SLC7A8: variants seen among roughly 807,000 people sequenced by gnomAD.
The protein encoded by SLC7A8 is solute carrier family 7 member 8, also known as large neutral amino acids transporter small subunit 2.
A neutral mutation model predicts 51.2 loss-of-function variants in SLC7A8; 30 were observed. The ratio of observed to expected loss-of-function variants is 0.59; its 90% CI spans 0.44 to 0.80. The LOEUF (loss-of-function observed/expected upper bound fraction) is 0.80, where lower values mean the gene tolerates loss of function less well. SLC7A8 is among the 30% of genes least tolerant of loss of function. The pLI is 0.00. For missense variants in SLC7A8, 612 were observed against 674.4 expected (o/e 0.91, Z 1.03); for synonymous variants, 257 against 275.8 (o/e 0.93, Z 0.67).
chr14:23,128,769 C>T lies in SLC7A8; in HGVS notation c.1264-573G>A, dbSNP rs778321588. On this transcript the variant is annotated intron_variant, in intron 9 of 10. Transcript: ENST00000316902. This position sits in a 1 kb window ranked among gnomAD's most constrained non-coding sequence, Gnocchi z 4.3. ...CAGGGCTCCAGGGGCAGTCCTGATT[C>T]GGCTGCCTTTCTCTTCCTTGTCTTC... 4.6e-5 allele frequency among the ~76,000 whole-genome samples: 7 copies of T among 152,180 alleles called. No individual in the cohort carries two copies. The highest frequency in any genetic ancestry group is 1.9e-4 in the East Asian group (1 of 5,188).
rs577155981 is a variant in SLC7A8, at chr14:23,156,842, A to G, written c.508+8443T>C. 1.1e-4 allele frequency among the ~76,000 whole-genome samples: 16 copies of G among 152,350 alleles called. No homozygotes were observed. The South Asian group carries it at 3.3e-3, about 32-fold the overall frequency. On this transcript the variant is annotated intron_variant, in intron 3 of 10. Transcript: ENST00000316902. ...ATTCCTCCATTTCCAGGGTGTGGGC[A>G]CACACACTCTCTGAACAGCAGAACT...
intron 5 of SLC7A8, among the ~76,000 whole-genome samples, chr14:23,140,032 A>C (rs1210844888): frequency 6.6e-6 from 1 of 152,204 alleles, no homozygotes; most frequent in Admixed American, 6.5e-5. Context: ...AAAAGAAAAA[A>C]TAAGTTAAAA....
At position 23,167,490 on chromosome 14, in the gene SLC7A8, G is replaced by C. The variant is rs796803390; in HGVS notation, c.152-950C>G. Among the ~76,000 whole-genome samples, 17 of 152,152 alleles carry C rather than the reference G, an allele frequency of 1.1e-4. 1 individual carries two copies. The highest frequency in any genetic ancestry group is 4.1e-4 in the African/African-American group (17 of 41,518). On this transcript the variant is annotated intron_variant, in intron 1 of 10. Coordinates refer to ENST00000316902, the MANE Select transcript of SLC7A8 (RefSeq NM_012244.4). ...TCTTTCCACTAATCCACTTCTGCTTGTGTGCAGGGGCTGGTTTTCTCCTGA... is the reference window on the plus strand; with the variant it reads ...TCTTTCCACTAATCCACTTCTGCTTCTGTGCAGGGGCTGGTTTTCTCCTGA...
intron 4 of SLC7A8, among the ~76,000 whole-genome samples, chr14:23,141,317 A>C (rs1339118238): frequency 6.6e-6 from 1 of 152,218 alleles, no homozygotes; most frequent in Non-Finnish European, 1.5e-5. Flanking sequence ...CAAACAAACA[A>C]AAAAAGCAAG....
intron 7 of SLC7A8, among the ~76,000 whole-genome samples, chr14:23,132,836 A>C (rs2140304154): frequency 6.6e-6 from 1 of 152,004 alleles, no homozygotes; most frequent in African/African-American, 2.4e-5. Flanking sequence ...GGGTTTCTCC[A>C]TGTTGGTCAG....
chr14:23,145,067 C>A (rs1488034303), intron 3 of SLC7A8, among the ~76,000 whole-genome samples: 1 of 149,456 alleles, frequency 6.7e-6, no homozygotes, highest in South Asian at 2.1e-4. Flanking sequence ...ACTACAGGCG[C>A]CCGCCACCAC....
chr14:23,137,875 A>C, intron 7 of SLC7A8, 46 bp downstream of exon 7: 1 of 1,604,672 alleles, frequency 6.2e-7, no homozygotes, highest in Non-Finnish European at 8.5e-7. Flanking sequence ...AGCAAAGTGC[A>C]CAGCAGAGTG....
At chr14:23,137,683 C>T (rs1046848252) in intron 7 of SLC7A8, among the ~76,000 whole-genome samples, 2 of 152,198 alleles carry the variant, frequency 1.3e-5, no homozygotes, top group Non-Finnish European at 2.9e-5. Flanking sequence ...CAGGCCACTA[C>T]ATGTGAAGCA....
chr14:23,152,964 TAAG>T (rs1300278298), intron 3 of SLC7A8, among the ~76,000 whole-genome samples: 1 of 152,176 alleles, frequency 6.6e-6, no homozygotes, highest in Non-Finnish European at 1.5e-5. Context: ...AGGACAGTGC[TAAG>T]AAGAATGAAC....
intron 3 of SLC7A8, among the ~76,000 whole-genome samples, chr14:23,153,428 C>T (rs1249095866): frequency 6.6e-6 from 1 of 152,134 alleles, no homozygotes; most frequent in Non-Finnish European, 1.5e-5. Flanking sequence ...CTTGGCCGCT[C>T]CCACATCATC....
At chr14:23,160,962 T>TCTC (rs1566370077) in intron 3 of SLC7A8, among the ~76,000 whole-genome samples, 1 of 111,666 alleles carries the variant, frequency 9.0e-6, no homozygotes, top group Non-Finnish European at 2.2e-5. Context: ...CTCTCTCTCT[T>TCTC]TTTTTTCTTT....
At chr14:23,129,998 G>A (rs2048617635) in intron 8 of SLC7A8, 199 bp from the exon 9 acceptor site, 1 of 585,334 alleles carries the variant, frequency 1.7e-6, no homozygotes. Flanking sequence ...CTTATTACAG[G>A]GGTGATGATC....
rs1594814437 is a variant in SLC7A8 at position 23,128,756 on chromosome 14, G to T, written c.1264-560C>A. On this transcript the variant is annotated intron_variant, in intron 9 of 10. Coordinates refer to ENST00000316902, the MANE Select transcript of SLC7A8 (RefSeq NM_012244.4). This position sits in a 1 kb window ranked among gnomAD's most constrained non-coding sequence, Gnocchi z 4.3. Reference sequence around the variant, plus strand: ...AGAGTATCCTCTTCAGGGCTCCAGGGGCAGTCCTGATTCGGCTGCCTTTCT... The same window carrying T: ...AGAGTATCCTCTTCAGGGCTCCAGGTGCAGTCCTGATTCGGCTGCCTTTCT... Among the ~76,000 whole-genome samples, 1 of 152,182 alleles carries T rather than the reference G, an allele frequency of 6.6e-6. No homozygotes were observed. The highest frequency in any genetic ancestry group is 2.4e-5 in the African/African-American group (1 of 41,450).
At chr14:23,146,516 A>G (rs1329324246) in intron 3 of SLC7A8, among the ~76,000 whole-genome samples, 1 of 152,242 alleles carries the variant, frequency 6.6e-6, no homozygotes, top group African/African-American at 2.4e-5. Context: ...TAACAGAGAT[A>G]GGGATGCTTT....
intron 9 of SLC7A8, 57 bp downstream of exon 9, chr14:23,129,593 A>G: frequency 6.3e-7 from 1 of 1,581,206 alleles, no homozygotes; most frequent in Non-Finnish European, 8.6e-7. Context: ...TAAAAATCTG[A>G]ACTGCAGCTA....
chr14:23,154,365 G>T (rs1236110939), intron 3 of SLC7A8: 1 of 999,410 alleles, frequency 1.0e-6, no homozygotes, highest in Non-Finnish European at 1.2e-6. Flanking sequence ...GTCCCTCCCA[G>T]CAGCCCTCTG....
intron 1 of SLC7A8, among the ~76,000 whole-genome samples, chr14:23,179,277 C>A (rs1269167039): frequency 6.6e-6 from 1 of 152,172 alleles, no homozygotes; most frequent in Non-Finnish European, 1.5e-5. Flanking sequence ...CTGTTTAGTA[C>A]ATATGCATCT....
At chr14:23,174,356 T>A (rs1388302445) in intron 1 of SLC7A8, among the ~76,000 whole-genome samples, 1 of 152,272 alleles carries the variant, frequency 6.6e-6, no homozygotes, top group Non-Finnish European at 1.5e-5. Flanking sequence ...CTGAGTAATC[T>A]GCTTTTGCAA....
intron 10 of SLC7A8, 118 bp downstream of exon 10, chr14:23,127,901 G>T: frequency 1.2e-6 from 1 of 858,338 alleles, no homozygotes; most frequent in Non-Finnish European, 1.8e-6. Context: ...AGGGCTCTGT[G>T]GACTGAGGAG....
Sources: gnomAD v4.1 joint callset for allele counts (sites outside exome capture counted in the v4.1 genomes callset) on GRCh38, gnomAD v4.1.1 for gene constraint, Gnocchi (gnomAD v3.1) non-coding constraint, MANE v1.5 for transcripts, NCBI Gene and HGNC (gene_info 2026-07-23, HGNC 2026-07-21) for gene names.